CEP192: variants seen among roughly 807,000 people sequenced by gnomAD.
The protein encoded by CEP192 is centrosomal protein 192.
A neutral mutation model predicts 271.8 loss-of-function variants in CEP192; 151 were observed. That is an observed-to-expected ratio of 0.56 (90% CI 0.49 to 0.64). The LOEUF is 0.64. Among genes scored for constraint, CEP192 ranks in the 30% least tolerant of loss-of-function variants. The pLI, the probability that CEP192 is intolerant of heterozygous loss-of-function variation, is 0.00. For missense variants in CEP192, 2,910 were observed against 3,020.5 expected, an observed-to-expected ratio of 0.96 and a Z score of 0.86; for synonymous variants, 995 against 1,076.5, an observed-to-expected ratio of 0.92 and a Z score of 1.48.
chr18:13,103,235 G>A (rs1313541097), intron 38 of CEP192, among the ~76,000 whole-genome samples: 2 of 152,156 alleles, frequency 1.3e-5, no homozygotes, highest in African/African-American at 4.8e-5. Flanking sequence ...CTTTTTTACA[G>A]AGCAGTCTGT....
chr18:13,068,140 G>A lies in CEP192; in HGVS notation c.4661G>A (p.Arg1554Gln), dbSNP rs538215951. Reference sequence around the variant, plus strand: ...TTCACGTTTTCCAAGGAATCCGTCCGAGCTCCTGTGGAAGTTGCTCCTTGC... The same window carrying A: ...TTCACGTTTTCCAAGGAATCCGTCCAAGCTCCTGTGGAAGTTGCTCCTTGC... ...RCFTFSKESV[R>Q]APVEVAPCAD... The change falls in exon 23 of 45, where the codon CGA (arginine) becomes CAA (glutamine). Residue 1554 changes from arginine (R) to glutamine (Q), a missense_variant. Physicochemically the swap from Arg to Gln is conservative, Grantham distance 43. Transcript: ENST00000506447. 5.0e-6 allele frequency: 8 copies of A among 1,614,158 alleles called. No homozygotes were observed. Among genetic ancestry groups the A allele is most frequent in the East Asian group, 2.2e-5 (1 of 44,884 alleles).
chr18:13,065,221 T>C (rs1189193153), intron 21 of CEP192, among the ~76,000 whole-genome samples: 1 of 152,020 alleles, frequency 6.6e-6, no homozygotes, highest in East Asian at 1.9e-4. Context: ...ACAATACATA[T>C]ACCATGTTAT....
Position 13,105,065 on chromosome 18 carries a change from C to G in CEP192, c.7033C>G (p.His2345Asp), listed in dbSNP as rs1201912681. The change falls in exon 40 of 45, where the codon CAT becomes GAT. Residue 2345 changes from histidine to aspartate, a missense_variant. Transcript: ENST00000506447. ...TCCTATTTCTGGTCTGCTGGAAAGC[C>G]ATGGGATCCAAAAAGTAGGTTTTGA... ...CSPISGLLES[H>D]GIQKVSITFL... The G allele has an allele frequency of 1.9e-6, 3 of 1,612,912 alleles. No homozygotes were observed. The highest frequency in any genetic ancestry group is 3.3e-5 in the Admixed American group (2 of 60,000).
Position 13,038,571 on chromosome 18 carries a change from G to A in CEP192, c.1801G>A (p.Val601Met). Residue 601 changes from valine (V) to methionine (M), a missense_variant, in exon 13 of 45, where the codon GTG (valine) becomes ATG (methionine). By Grantham distance (21) the Val-to-Met change is conservative. Transcript: ENST00000506447. Reference sequence around the variant, plus strand: ...TGGTTGCCTTGGTGGTGGTAACAATGTGAAAAGAGTAAGTATGGAATCTGT... The same window carrying A: ...TGGTTGCCTTGGTGGTGGTAACAATATGAAAAGAGTAAGTATGGAATCTGT... Reference protein sequence around the residue: ...ALGCLGGGNNVKRPSFGYFIR... With the variant: ...ALGCLGGGNNMKRPSFGYFIR... The A allele has an allele frequency of 6.4e-7, 1 of 1,550,818 alleles. No individual in the cohort carries two copies. Among genetic ancestry groups the A allele is most frequent in the Non-Finnish European group, 8.7e-7 (1 of 1,146,260 alleles).
rs1373917210 is a variant in CEP192, at chr18:13,067,971, A to G, written c.4614+15A>G. 14 of 1,602,664 alleles carry G rather than the reference A, an allele frequency of 8.7e-6. No homozygotes were observed. Among genetic ancestry groups the G allele is most frequent in the South Asian group, 3.3e-5 (3 of 90,794 alleles). The stretch of plus-strand genomic sequence containing the variant: ...TTATTAATGCTGTAAGTATGAACAT[A>G]CAGTAAGAAACCATTTACAGAATGC... On this transcript the variant is annotated intron_variant, in intron 22 of 44. Coordinates refer to ENST00000506447, the MANE Select transcript of CEP192 (RefSeq NM_032142.4).
At chr18:12,992,175 C>T (rs1377690820) in intron 1 of CEP192, among the ~76,000 whole-genome samples, 2 of 152,084 alleles carry the variant, frequency 1.3e-5, no homozygotes, top group African/African-American at 4.8e-5. Flanking sequence ...TTTGCTCTTA[C>T]TATTTTGAGG....
At chr18:13,088,178 G>A (rs532485005) in intron 32 of CEP192, among the ~76,000 whole-genome samples, 128 of 152,256 alleles carry the variant, frequency 8.4e-4, no homozygotes, top group Non-Finnish European at 1.5e-3. Flanking sequence ...AATATAGGGC[G>A]GGCTGTGTGG....
intron 2 of CEP192, among the ~76,000 whole-genome samples, chr18:12,999,854 G>C (rs1240427514): frequency 7.3e-6 from 1 of 137,908 alleles, no homozygotes; most frequent in Non-Finnish European, 1.5e-5. Flanking sequence ...TTTGTCTATA[G>C]TGTTTTGGAT....
In CEP192 at chr18:13,096,174, G is replaced by C; in HGVS notation, c.6434-10G>C. The C allele has an allele frequency of 6.2e-7, 1 of 1,612,776 alleles. No individual in the cohort carries two copies. The highest frequency in any genetic ancestry group is 8.5e-7 in the Non-Finnish European group (1 of 1,179,396). Reference sequence around the variant, plus strand: ...AATGTAAGTCACATTTTATGTATCTGACAAAATAGGTGACATGGCAAAAAC... The same window carrying C: ...AATGTAAGTCACATTTTATGTATCTCACAAAATAGGTGACATGGCAAAAAC... On this transcript the variant is annotated splice_polypyrimidine_tract_variant and intron_variant, in intron 35 of 44. Coordinates refer to ENST00000506447, the MANE Select transcript of CEP192 (RefSeq NM_032142.4).
At chr18:12,995,207 G>A (rs183676244) in intron 1 of CEP192, among the ~76,000 whole-genome samples, 6 of 151,864 alleles carry the variant, frequency 4.0e-5, no homozygotes, top group East Asian at 3.9e-4. Context: ...GACTACAGGC[G>A]CCCGCCACCT....
At position 12,999,519 on chromosome 18, in the gene CEP192, T is replaced by G; in HGVS notation, c.95T>G (p.Leu32Arg). 6.4e-7 allele frequency: 1 copy of G among 1,551,176 alleles called. No homozygotes were observed. Among genetic ancestry groups the G allele is most frequent in the Non-Finnish European group, 8.7e-7 (1 of 1,146,778 alleles). ...AGTGGGATTTTGGAAAATGTCACTC[T>G]TTCTTCAAATCTTGGCTTGCCTGTT... ...GNSGILENVT[L>R]SSNLGLPVAV... The change falls in exon 2 of 45, where the codon CTT becomes CGT. Residue 32 changes from leucine to arginine, a missense_variant. By Grantham distance (102) the Leu-to-Arg change is moderately radical. Transcript: ENST00000506447.
chr18:13,072,046 G>C (rs1044484108), intron 28 of CEP192, among the ~76,000 whole-genome samples: 1 of 152,112 alleles, frequency 6.6e-6, no homozygotes, highest in Admixed American at 6.6e-5. Flanking sequence ...CCTGTGGAAG[G>C]CTTTTCCTGG....
intron 21 of CEP192, among the ~76,000 whole-genome samples, chr18:13,065,006 A>G: frequency 6.6e-6 from 1 of 152,016 alleles, no homozygotes; most frequent in East Asian, 1.9e-4. Flanking sequence ...TCTTTGATTA[A>G]GTTAATTCCT....
chr18:13,099,684 G>A, intron 37 of CEP192, 103 bp downstream of exon 37: 2 of 620,562 alleles, frequency 3.2e-6, no homozygotes, highest in East Asian at 2.8e-5. Flanking sequence ...TCAAATGAAA[G>A]CGTACTTGAC....
chr18:12,996,627 CTG>C (rs1227555927), intron 1 of CEP192, among the ~76,000 whole-genome samples: 1 of 152,054 alleles, frequency 6.6e-6, no homozygotes, highest in Admixed American at 6.5e-5. Context: ...GGCTTCCACT[CTG>C]TGGAGGTCTA....
At chr18:13,117,971 T>C (rs543505059) in intron 44 of CEP192, among the ~76,000 whole-genome samples, 180 of 152,346 alleles carry the variant, frequency 1.2e-3, no homozygotes, top group Non-Finnish European at 4.0e-4. Flanking sequence ...CTTTCAAATG[T>C]TATTTGCACT....
chr18:13,124,926 G>T lies in CEP192; in HGVS notation c.*156G>T, dbSNP rs1201669794. On this transcript the variant is annotated 3_prime_UTR_variant, in exon 45 of 45. Coordinates refer to ENST00000506447, the MANE Select transcript of CEP192 (RefSeq NM_032142.4). Reference sequence around the variant, plus strand: ...ACAAGCTAATACTGAAGACTCGACTGAAATATTATGTATCTAGCCCATAGT... The same window carrying T: ...ACAAGCTAATACTGAAGACTCGACTTAAATATTATGTATCTAGCCCATAGT... 2.4e-5 allele frequency: 14 copies of T among 590,394 alleles called. No individual in the cohort carries two copies. Among genetic ancestry groups the T allele is most frequent in the Non-Finnish European group, 2.0e-5 (7 of 342,264 alleles). 36.6% of individuals were successfully genotyped at this position (590,394 alleles called of 1,614,324 possible).
Position 13,073,112 on chromosome 18 carries a change from G to A in CEP192, c.5543G>A (p.Arg1848Gln), listed in dbSNP as rs752516608. The change falls in exon 30 of 45, where the codon CGA becomes CAA. Residue 1848 changes from arginine to glutamine, a missense_variant. Coordinates refer to ENST00000506447, the MANE Select transcript of CEP192 (RefSeq NM_032142.4). Reference protein sequence around the residue: ...IFISVLFAPTRLSCMLARLEI... With the variant: ...IFISVLFAPTQLSCMLARLEI... ...ATCTCTGTATTATTTGCACCTACTC[G>A]ATTATCTTGCATGTTGGCTAGACTA... 5 of 1,613,680 alleles carry A rather than the reference G, an allele frequency of 3.1e-6. No homozygotes were observed. The highest frequency in any genetic ancestry group is 1.7e-5 in the Admixed American group (1 of 59,920).
chr18:13,016,456 G>A (rs183938254), intron 6 of CEP192, among the ~76,000 whole-genome samples: 1 of 152,192 alleles, frequency 6.6e-6, no homozygotes, highest in Non-Finnish European at 1.5e-5. Flanking sequence ...GCTGATGAGC[G>A]GAGTGAGCAT....
Sources: allele counts gnomAD v4.1 joint callset (sites outside exome capture counted in the v4.1 genomes callset), GRCh38; gene constraint gnomAD v4.1.1; transcripts MANE v1.5; gene names NCBI Gene and HGNC (gene_info 2026-07-23, HGNC 2026-07-21).